The following MACROD2 variants were observed in gnomAD, a reference collection of about 807,000 sequenced individuals.
MACROD2 encodes ADP-ribose glycohydrolase MACROD2.
Under a neutral mutation model 70.4 loss-of-function variants are expected in MACROD2, and 36 were observed. The ratio of observed to expected loss-of-function variants is 0.51; its 90% CI spans 0.39 to 0.68. The LOEUF (loss-of-function observed/expected upper bound fraction) is 0.68. Ranked by LOEUF, MACROD2 falls within the 30% of genes least tolerant of loss-of-function variation. The pLI is 0.00. For missense variants in MACROD2, 496 were observed against 538.4 expected, an observed-to-expected ratio of 0.92 and a Z score of 0.78; for synonymous variants, 172 against 178.8, an observed-to-expected ratio of 0.96 and a Z score of 0.30.
chr20:15,859,635 G>A (rs2064397574), intron 8 of MACROD2, among the ~76,000 whole-genome samples: 1 of 152,136 alleles, frequency 6.6e-6, no homozygotes, highest in Non-Finnish European at 1.5e-5. Context: ...TAGTGAATAA[G>A]ACTAATTCTT....
At chr20:15,004,745 T>A (rs951508935) in intron 5 of MACROD2, among the ~76,000 whole-genome samples, 3 of 152,232 alleles carry the variant, frequency 2.0e-5, no homozygotes, top group African/African-American at 7.2e-5. Context: ...CTATGTGCTC[T>A]AGAAAAGCTG....
chr20:15,559,676 A>T (rs2048216715), intron 8 of MACROD2, among the ~76,000 whole-genome samples: 5 of 152,316 alleles, frequency 3.3e-5, no homozygotes, highest in South Asian at 4.1e-4. Context: ...TGCTGAGTAA[A>T]ATCAGTGCAT....
At chr20:15,444,877 G>A (rs2046542110) in intron 7 of MACROD2, among the ~76,000 whole-genome samples, 1 of 151,908 alleles carries the variant, frequency 6.6e-6, no homozygotes, top group Non-Finnish European at 1.5e-5. Context: ...CTATATCATG[G>A]GGTTGTTGCA....
At chr20:14,499,317 G>A (rs770411004) in intron 4 of MACROD2, among the ~76,000 whole-genome samples, 2 of 152,130 alleles carry the variant, frequency 1.3e-5, no homozygotes, top group African/African-American at 2.4e-5. Context: ...GATTATTTGA[G>A]ACCAGGAGTT....
At chr20:15,523,367 T>C (rs1325748917) in intron 8 of MACROD2, among the ~76,000 whole-genome samples, 1 of 152,186 alleles carries the variant, frequency 6.6e-6, no homozygotes, top group Non-Finnish European at 1.5e-5. Context: ...GTTTTAGAAA[T>C]TTTATGCTGT....
intron 5 of MACROD2, among the ~76,000 whole-genome samples, chr20:14,973,398 T>G (rs543580491): frequency 6.6e-6 from 1 of 152,102 alleles, no homozygotes; most frequent in South Asian, 2.1e-4. Context: ...AATTTTTGTA[T>G]TTTTAGTATA....
At chr20:15,788,725 C>T (rs1332002638) in intron 8 of MACROD2, among the ~76,000 whole-genome samples, 1 of 152,094 alleles carries the variant, frequency 6.6e-6, no homozygotes, top group Non-Finnish European at 1.5e-5. Flanking sequence ...AATAGGTATG[C>T]AGTCATTATT....
At chr20:15,540,666 T>C (rs1568878964) in intron 8 of MACROD2, among the ~76,000 whole-genome samples, 2 of 152,154 alleles carry the variant, frequency 1.3e-5, no homozygotes, top group Non-Finnish European at 2.9e-5. Context: ...ATAGAAACAA[T>C]AGAAATGTAC....
At position 14,485,221 on chromosome 20, in the gene MACROD2, A is replaced by C. The variant is rs200625126; in HGVS notation, c.272-8258A>C. Among the ~76,000 whole-genome samples the C allele has an allele frequency of 1.9e-4, 29 of 152,272 alleles. 1 individual carries two copies. In the East Asian group the frequency reaches 5.6e-3, roughly 29 times the overall value. ...ACTAGAACATTATCTCTAACAGCAA[A>C]ACTGGAAACAATGTAAGTGCCCATC... On this transcript the variant is annotated intron_variant, in intron 3 of 17. Transcript: ENST00000684519.
At chr20:15,915,603 A>C (rs558568245) in intron 10 of MACROD2, among the ~76,000 whole-genome samples, 43 of 152,290 alleles carry the variant, frequency 2.8e-4, no homozygotes, top group Non-Finnish European at 6.0e-4. Context: ...CTTTGTACAC[A>C]TGAGAGGGCC....
chr20:15,305,402 A>G (rs1440143730), intron 6 of MACROD2, among the ~76,000 whole-genome samples: 1 of 152,142 alleles, frequency 6.6e-6, no homozygotes, highest in Admixed American at 6.6e-5. Flanking sequence ...AAATCTCATA[A>G]TTTTTATCAT....
chr20:14,777,044 C>T (rs1882110049), intron 5 of MACROD2, among the ~76,000 whole-genome samples: 1 of 151,658 alleles, frequency 6.6e-6, no homozygotes, highest in African/African-American at 2.4e-5. Flanking sequence ...GTGACTATAC[C>T]ACAATTTATC....
chr20:14,852,865 C>G (rs942248662), intron 5 of MACROD2, among the ~76,000 whole-genome samples: 2 of 152,096 alleles, frequency 1.3e-5, no homozygotes, highest in African/African-American at 4.8e-5. Context: ...CAAACTTATC[C>G]CTAGGTACTC....
chr20:15,144,485 G>A (rs1055551789), intron 5 of MACROD2, among the ~76,000 whole-genome samples: 2 of 152,050 alleles, frequency 1.3e-5, no homozygotes, highest in African/African-American at 2.4e-5. Context: ...ACTTTGAAAC[G>A]TTCTTCCAGT....
At chr20:14,784,668 T>TGG (rs3045608) in intron 5 of MACROD2, among the ~76,000 whole-genome samples, 4,390 of 93,638 alleles carry the variant, frequency 0.047, 264 homozygotes, top group Non-Finnish European at 0.06. Context: ...GTGTTTTAAG[T>TGG]GGGGGGGGGG....
chr20:15,483,092 T>C (rs1357257254), intron 7 of MACROD2, among the ~76,000 whole-genome samples: 1 of 152,238 alleles, frequency 6.6e-6, no homozygotes, highest in Admixed American at 6.5e-5. Context: ...GCTTATTTTT[T>C]TCATAAAGCA....
chr20:15,701,387 A>G (rs2050455732), intron 8 of MACROD2, among the ~76,000 whole-genome samples: 1 of 152,260 alleles, frequency 6.6e-6, no homozygotes, highest in Non-Finnish European at 1.5e-5. Context: ...AAGAAAAGTT[A>G]TAAGAGAACA....
intron 6 of MACROD2, among the ~76,000 whole-genome samples, chr20:15,307,481 T>C (rs2077709440): frequency 6.6e-6 from 1 of 152,178 alleles, no homozygotes; most frequent in Non-Finnish European, 1.5e-5. Context: ...TTGTTCTGTC[T>C]CCTCTCTCCT....
chr20:14,223,506 CTTTTTT>C (rs11307206), intron 3 of MACROD2, among the ~76,000 whole-genome samples: 2 of 93,112 alleles, frequency 2.1e-5, no homozygotes, highest in Non-Finnish European at 2.3e-5. Flanking sequence ...CCTCTAAATT[CTTTTTT>C]TTTTTTTTTT....
Sources: allele counts gnomAD v4.1 joint callset (sites outside exome capture counted in the v4.1 genomes callset), GRCh38; gene constraint gnomAD v4.1.1; transcripts MANE v1.5; gene names NCBI Gene and HGNC (gene_info 2026-07-23, HGNC 2026-07-21).